UBB: variants seen among roughly 807,000 people sequenced by gnomAD.
UBB encodes polyubiquitin-B.
Under a neutral mutation model 12.5 loss-of-function variants are expected in UBB, and 11 were observed. That is an observed-to-expected ratio of 0.88 (90% CI 0.55 to 1.45). UBB has a LOEUF of 1.45. Among genes scored for constraint, UBB ranks in the 40% most tolerant of loss-of-function variants. The probability of loss-of-function intolerance (pLI) is 0.00; values close to 1 mark genes in which losing one functional copy is unlikely to be tolerated. For missense variants in UBB, 76 were observed against 286.9 expected (o/e 0.26, Z 5.31); for synonymous variants, 168 against 120.1 (o/e 1.40, Z -2.61).
At chr17:16,381,863 A>G (rs1212995346) in intron 1 of UBB, 39 bp from the exon 2 acceptor site, 1 of 1,607,356 alleles carries the variant, frequency 6.2e-7, no homozygotes, top group Admixed American at 1.7e-5. Flanking sequence ...AAATACAATG[A>G]TCCTGAGGTG....
At chr17:16,380,804 C>G (rs1242941402), upstream of UBB, 1 of 153,330 alleles carries the variant, frequency 6.5e-6, no homozygotes, top group African/African-American at 2.4e-5. Context: ...AGGAAGTTTC[C>G]AGAGCTTTCG....
chr17:16,381,796 T>G, intron 1 of UBB, 106 bp from the exon 2 acceptor site: 2 of 1,367,914 alleles, frequency 1.5e-6, no homozygotes, highest in African/African-American at 1.5e-5. Context: ...TTAACGTATT[T>G]AAGGCATTTT....
chr17:16,381,182 C>G lies in UBB; in HGVS notation c.-9C>G, dbSNP rs2093273654. 2 of 149,886 alleles carry G rather than the reference C, an allele frequency of 1.3e-5. No homozygotes were observed. The highest frequency in any genetic ancestry group is 4.2e-4 in the South Asian group (2 of 4,774). 9.3% of individuals were successfully genotyped at this position (149,886 alleles called of 1,614,324 possible). A position where few individuals can be genotyped will look rare whatever the true frequency, so the allele number is the denominator to read the frequency against. Reference sequence around the variant, plus strand: ...TTGGCAGGATCCTGGTATCCGCTAACAGGTACTGGCCCGCAGCCGTAACGA... The same window carrying G: ...TTGGCAGGATCCTGGTATCCGCTAAGAGGTACTGGCCCGCAGCCGTAACGA... On this transcript the variant is annotated splice_region_variant and 5_prime_UTR_variant, in exon 1 of 2. Transcript: ENST00000302182.
In UBB at chr17:16,381,132, C is replaced by G. The variant is rs965256179; in HGVS notation, c.-59C>G. ...CTTTGTTGGGTGAGCTTGTTTGTGTCCCTGTGGGTGGACGTGGTTGGTGAT... is the reference window on the plus strand; with the variant it reads ...CTTTGTTGGGTGAGCTTGTTTGTGTGCCTGTGGGTGGACGTGGTTGGTGAT... On this transcript the variant is annotated 5_prime_UTR_variant, in exon 1 of 2. Transcript: ENST00000302182. 2 of 151,922 alleles carry G rather than the reference C, an allele frequency of 1.3e-5. No homozygotes were observed. Among genetic ancestry groups the G allele is most frequent in the South Asian group, 4.2e-4 (2 of 4,788 alleles). The allele number at this position is 151,922 out of a possible 1,614,324, so 9.4% of individuals were successfully genotyped here. A position where few individuals can be genotyped will look rare whatever the true frequency, so the allele number is the denominator to read the frequency against.
intron 1 of UBB, 143 bp downstream of exon 1, chr17:16,381,327 C>CT (rs2093274373): frequency 1.8e-5 from 3 of 163,406 alleles, no homozygotes; most frequent in Non-Finnish European, 4.0e-5. Flanking sequence ...GGCGCTGGGC[C>CT]TTTCCGGGAC....
chr17:16,381,855 A>G, intron 1 of UBB, 47 bp from the exon 2 acceptor site: 2 of 1,596,092 alleles, frequency 1.3e-6, no homozygotes, highest in South Asian at 1.1e-5. Flanking sequence ...AAAGCAAGAA[A>G]TACAATGATC....
At chr17:16,381,211 T>G (rs2093273759) in intron 1 of UBB, 27 bp downstream of exon 1, 2 of 110,262 alleles carry the variant, frequency 1.8e-5, no homozygotes, top group East Asian at 3.2e-4. Context: ...GTAACGACCT[T>G]GGGGGGGTGT....
At position 16,382,737 on chromosome 17, in the gene UBB, G is replaced by A. The variant is rs1051305512; in HGVS notation, c.*140G>A. The stretch of plus-strand genomic sequence containing the variant: ...AATGTTAATAAAGGTTTCGTTGCAT[G>A]GTAGCATACTTGGTGTTTTGTCATG... On this transcript the variant is annotated 3_prime_UTR_variant, in exon 2 of 2. Coordinates refer to ENST00000302182, the MANE Select transcript of UBB (RefSeq NM_018955.4). The A allele has an allele frequency of 8.4e-6, 10 of 1,196,130 alleles. No individual in the cohort carries two copies. Among genetic ancestry groups the A allele is most frequent in the Non-Finnish European group, 1.2e-5 (10 of 861,728 alleles). The allele number at this position is 1,196,130 out of a possible 1,614,324, so 74.1% of individuals were successfully genotyped here. A position where few individuals can be genotyped will look rare whatever the true frequency, so the allele number is the denominator to read the frequency against.
Position 16,382,670 on chromosome 17 carries a change from G to C in UBB, c.*73G>C. The C allele has an allele frequency of 3.2e-6, 5 of 1,563,420 alleles. No individual in the cohort carries two copies. The highest frequency in any genetic ancestry group is 8.7e-7 in the Non-Finnish European group (1 of 1,151,148). ...ACTATAGCCATTTGCCCCAACTTAA[G>C]TTTAGAAATTACAAGTTTCAGTAAT... On this transcript the variant is annotated 3_prime_UTR_variant, in exon 2 of 2. Coordinates refer to ENST00000302182, the MANE Select transcript of UBB (RefSeq NM_018955.4).
At chr17:16,381,415 C>G (rs1420178795) in intron 1 of UBB, 8 of 179,554 alleles carry the variant, frequency 4.5e-5, no homozygotes, top group Non-Finnish European at 9.5e-5. Flanking sequence ...GACGCCTAAC[C>G]GATCGGCGAT....
At chr17:16,382,743 A>G, downstream of UBB, 6 of 1,162,288 alleles carry the variant, frequency 5.2e-6, no homozygotes, top group Non-Finnish European at 7.2e-6. Context: ...GCATGGTAGC[A>G]TACTTGGTGT....
rs573309149 is a variant in UBB, at chr17:16,382,648, A to G, written c.*51A>G. Reference sequence around the variant, plus strand: ...CCCAGTGATGGCATTACTCTGCACTATAGCCATTTGCCCCAACTTAAGTTT... The same window carrying G: ...CCCAGTGATGGCATTACTCTGCACTGTAGCCATTTGCCCCAACTTAAGTTT... On this transcript the variant is annotated 3_prime_UTR_variant, in exon 2 of 2. Transcript: ENST00000302182. 6 of 1,593,380 alleles carry G rather than the reference A, an allele frequency of 3.8e-6. No individual in the cohort carries two copies. Among genetic ancestry groups the G allele is most frequent in the East Asian group, 4.5e-5 (2 of 44,480 alleles).
At chr17:16,381,621 G>A (rs999036178) in intron 1 of UBB, 3 of 483,090 alleles carry the variant, frequency 6.2e-6, no homozygotes, top group African/African-American at 2.0e-5. Flanking sequence ...GCAGATTGGA[G>A]TTCGGTCGGG....
chr17:16,382,606 T>C lies in UBB; in HGVS notation c.*9T>C. The C allele has an allele frequency of 2.5e-6, 4 of 1,613,834 alleles. No homozygotes were observed. Among genetic ancestry groups the C allele is most frequent in the Non-Finnish European group, 3.4e-6 (4 of 1,179,856 alleles). ...TGAGGGGTGGCTGTTAATTCTTCAG[T>C]CATGGCATTCGCAGTGCCCAGTGAT... On this transcript the variant is annotated 3_prime_UTR_variant, in exon 2 of 2. Coordinates refer to ENST00000302182, the MANE Select transcript of UBB (RefSeq NM_018955.4).
In UBB at chr17:16,381,937, C is replaced by T. The variant is rs1472549023; in HGVS notation, c.30C>T (p.Gly10=). 1.4e-5 allele frequency: 22 copies of T among 1,614,110 alleles called. No individual in the cohort carries two copies. The highest frequency in any genetic ancestry group is 1.8e-5 in the Non-Finnish European group (21 of 1,180,042). The part of the protein sequence containing the change: MQIFVKTLT[G]KTITLEVEPS... Reference sequence around the variant, plus strand: ...AGATCTTCGTGAAAACCCTTACCGGCAAGACCATCACCCTTGAGGTGGAGC... The same window carrying T: ...AGATCTTCGTGAAAACCCTTACCGGTAAGACCATCACCCTTGAGGTGGAGC... Residue 10 remains glycine (G), a synonymous_variant, in exon 2 of 2, where the codon GGC becomes GGT. Transcript: ENST00000302182.
rs761122761 is a variant in UBB, at chr17:16,381,880, TTA to T, written c.-6-20_-6-19del. On this transcript the variant is annotated intron_variant, in intron 1 of 1. Transcript: ENST00000302182. ...ATACAATGATCCTGAGGTGACACGC[TTA>T]TGTTTTACTTTTAAACTAGGTCAAA... The T allele has an allele frequency of 5.6e-6, 9 of 1,612,672 alleles. No individual in the cohort carries two copies. The highest frequency in any genetic ancestry group is 1.7e-5 in the Admixed American group (1 of 59,786).
At chr17:16,381,801 C>G in intron 1 of UBB, 101 bp from the exon 2 acceptor site, 1 of 1,391,380 alleles carries the variant, frequency 7.2e-7, no homozygotes, top group East Asian at 2.5e-5. Flanking sequence ...GTATTTAAGG[C>G]ATTTTGAAGG....
rs1465957188 is a variant in UBB at position 16,382,270 on chromosome 17, T to C, written c.363T>C (p.Phe121=). The change falls in exon 2 of 2, where the codon TTT becomes TTC. Residue 121 remains phenylalanine, a synonymous_variant. Transcript: ENST00000302182. The part of the protein sequence containing the change: ...GIPPDQQRLI[F]AGKQLEDGRT... The stretch of plus-strand genomic sequence containing the variant: ...CTCCCGACCAGCAGAGGCTCATCTT[T>C]GCAGGCAAGCAGCTGGAAGATGGCC... 4 of 1,607,808 alleles carry C rather than the reference T, an allele frequency of 2.5e-6. No individual in the cohort carries two copies. Among genetic ancestry groups the C allele is most frequent in the East Asian group, 2.2e-5 (1 of 44,756 alleles).
At position 16,382,725 on chromosome 17, in the gene UBB, G is replaced by C. The variant is rs934155275; in HGVS notation, c.*128G>C. 3.3e-5 allele frequency: 43 copies of C among 1,309,782 alleles called. No individual in the cohort carries two copies. The highest frequency in any genetic ancestry group is 5.2e-6 in the Non-Finnish European group (5 of 958,640). 81.1% of individuals were successfully genotyped at this position (1,309,782 alleles called of 1,614,324 possible). On this transcript the variant is annotated 3_prime_UTR_variant, in exon 2 of 2. Transcript: ENST00000302182. Reference sequence around the variant, plus strand: ...GAACCTGTTCAAAATGTTAATAAAGGTTTCGTTGCATGGTAGCATACTTGG... The same window carrying C: ...GAACCTGTTCAAAATGTTAATAAAGCTTTCGTTGCATGGTAGCATACTTGG...
Sources: gnomAD v4.1 joint callset for allele counts on GRCh38, gnomAD v4.1.1 for gene constraint, MANE v1.5 for transcripts, NCBI Gene and HGNC (gene_info 2026-07-23, HGNC 2026-07-21) for gene names.